The following HAO1 variants were observed in gnomAD, a reference collection of about 807,000 sequenced individuals.
The protein encoded by HAO1 is hydroxyacid oxidase 1.
In HAO1, 34 loss-of-function variants were observed where a neutral mutation model predicts 39.7. That is an observed-to-expected ratio of 0.86 (90% CI 0.65 to 1.14). The LOEUF (loss-of-function observed/expected upper bound fraction) is 1.14. Ranked by LOEUF, HAO1 falls within the 50% of genes most tolerant of loss-of-function variation. The pLI, the probability that HAO1 is intolerant of heterozygous loss-of-function variation, is 0.00. For missense variants in HAO1, 479 were observed against 464.5 expected (o/e 1.03, Z -0.29); for synonymous variants, 172 against 173.2 (o/e 0.99, Z 0.05).
intron 5 of HAO1, among the ~76,000 whole-genome samples, chr20:7,892,465 A>C (rs2423322): frequency 5.9e-5 from 9 of 151,990 alleles, no homozygotes; most frequent in African/African-American, 2.2e-4. Context: ...TGCACACCCA[A>C]TATTCCCTGC....
chr20:7,916,074 G>A (rs1012170251), intron 2 of HAO1, among the ~76,000 whole-genome samples: 4 of 152,010 alleles, frequency 2.6e-5, no homozygotes, highest in Admixed American at 6.6e-5. Flanking sequence ...AGCAAGAAAC[G>A]GGCAAATAAA....
At chr20:7,925,439 A>G (rs1416288819) in intron 2 of HAO1, among the ~76,000 whole-genome samples, 1 of 152,142 alleles carries the variant, frequency 6.6e-6, no homozygotes, top group Non-Finnish European at 1.5e-5. Context: ...AGTCTCAGGG[A>G]CATCTTAGCT....
At chr20:7,910,837 G>T (rs2122773331) in intron 3 of HAO1, among the ~76,000 whole-genome samples, 1 of 152,220 alleles carries the variant, frequency 6.6e-6, no homozygotes, top group South Asian at 2.1e-4. Flanking sequence ...AGGCTATTGT[G>T]CCATTTAAGA....
At chr20:7,925,553 T>C (rs1219072535) in intron 2 of HAO1, among the ~76,000 whole-genome samples, 1 of 152,200 alleles carries the variant, frequency 6.6e-6, no homozygotes, top group African/African-American at 2.4e-5. Flanking sequence ...GTCATTTTAC[T>C]GAATTGTCAA....
chr20:7,892,953 C>T (rs2050180771), intron 5 of HAO1, among the ~76,000 whole-genome samples: 1 of 152,126 alleles, frequency 6.6e-6, no homozygotes, highest in Non-Finnish European at 1.5e-5. Flanking sequence ...AAGCAATTCC[C>T]TCTGTCCTTC....
At chr20:7,922,201 T>C (rs1243215671) in intron 2 of HAO1, among the ~76,000 whole-genome samples, 1 of 152,002 alleles carries the variant, frequency 6.6e-6, no homozygotes, top group Admixed American at 6.6e-5. Flanking sequence ...TGAAAGAAGC[T>C]CAGTATCACT....
chr20:7,908,184 G>A (rs1471193104), intron 3 of HAO1, among the ~76,000 whole-genome samples: 1 of 152,052 alleles, frequency 6.6e-6, no homozygotes, highest in Non-Finnish European at 1.5e-5. Context: ...GAGGTCAGGA[G>A]TTCAAGACCA....
At chr20:7,886,304 G>A (rs1054712456) in intron 5 of HAO1, among the ~76,000 whole-genome samples, 16 of 151,902 alleles carry the variant, frequency 1.1e-4, no homozygotes, top group Non-Finnish European at 1.2e-4. Flanking sequence ...CTCCCAAGTA[G>A]CTAGGATTAC....
At chr20:7,925,502 A>T (rs1453665844) in intron 2 of HAO1, among the ~76,000 whole-genome samples, 1 of 152,126 alleles carries the variant, frequency 6.6e-6, no homozygotes, top group Non-Finnish European at 1.5e-5. Flanking sequence ...CAACAGACTA[A>T]AACATTAGCT....
intron 5 of HAO1, among the ~76,000 whole-genome samples, chr20:7,886,986 G>A (rs1174848612): frequency 2.6e-5 from 4 of 152,138 alleles, no homozygotes; most frequent in Admixed American, 2.0e-4. Flanking sequence ...AGCCCAGCTG[G>A]AGCTGACAAT....
intron 2 of HAO1, among the ~76,000 whole-genome samples, chr20:7,926,024 A>G (rs999709616): frequency 6.6e-6 from 1 of 152,148 alleles, no homozygotes; most frequent in African/African-American, 2.4e-5. Flanking sequence ...ATCTTTTAAT[A>G]CATATATAAG....
intron 2 of HAO1, among the ~76,000 whole-genome samples, chr20:7,923,028 C>A (rs2050342031): frequency 6.6e-6 from 1 of 152,042 alleles, no homozygotes; most frequent in Non-Finnish European, 1.5e-5. Context: ...TGGAAAAATG[C>A]CACAAGGGTC....
chr20:7,903,962 C>T (rs185361294), intron 4 of HAO1, among the ~76,000 whole-genome samples: 1 of 151,994 alleles, frequency 6.6e-6, no homozygotes, highest in Non-Finnish European at 1.5e-5. Context: ...TATTTTTCAA[C>T]ATAACATGTG....
In HAO1 at chr20:7,936,647, C is replaced by T. The variant is rs926753226; in HGVS notation, c.138-2012G>A. Reference sequence around the variant, plus strand: ...GAATCCTTCCATCTCCAGACAGTGGCTTTACACTTGTCCACTTGGTGGCGC... The same window carrying T: ...GAATCCTTCCATCTCCAGACAGTGGTTTTACACTTGTCCACTTGGTGGCGC... On this transcript the variant is annotated intron_variant, in intron 1 of 7. Transcript: ENST00000378789. 3.3e-5 allele frequency among the ~76,000 whole-genome samples: 5 copies of T among 151,922 alleles called. No homozygotes were observed. The South Asian group carries it at 8.3e-4, about 25-fold the overall frequency.
intron 5 of HAO1, among the ~76,000 whole-genome samples, chr20:7,889,914 C>T (rs183799568): frequency 1.3e-5 from 2 of 152,252 alleles, no homozygotes; most frequent in Admixed American, 1.3e-4. Flanking sequence ...GTGCTCTTCC[C>T]ATGACATCAT....
chr20:7,901,922 G>A (rs1030487139), intron 4 of HAO1, among the ~76,000 whole-genome samples: 15 of 152,170 alleles, frequency 9.9e-5, no homozygotes, highest in Admixed American at 2.6e-4. Flanking sequence ...GAAGACTATG[G>A]TGGAGAAAGT....
intron 2 of HAO1, among the ~76,000 whole-genome samples, 200 bp from the exon 3 acceptor site, chr20:7,914,619 T>G (rs1364870012): frequency 6.6e-6 from 1 of 152,230 alleles, no homozygotes; most frequent in Non-Finnish European, 1.5e-5. Context: ...CTACTGGAGT[T>G]ATTTCTGCTC....
chr20:7,937,657 G>A (rs975407383), intron 1 of HAO1, among the ~76,000 whole-genome samples: 16 of 151,756 alleles, frequency 1.1e-4, no homozygotes, highest in African/African-American at 3.6e-4. Flanking sequence ...GATAATTTCA[G>A]AAAAAAAAGC....
At chr20:7,883,720 T>C in intron 7 of HAO1, 57 bp from the exon 8 acceptor site, 1 of 1,272,374 alleles carries the variant, frequency 7.9e-7, no homozygotes, top group Non-Finnish European at 1.2e-6. Flanking sequence ...ATCAGGCAGG[T>C]AATCGTTTTC....
Sources: gnomAD v4.1 joint callset for allele counts (sites outside exome capture counted in the v4.1 genomes callset) on GRCh38, gnomAD v4.1.1 for gene constraint, MANE v1.5 for transcripts, NCBI Gene and HGNC (gene_info 2026-07-23, HGNC 2026-07-21) for gene names.